The following C10orf90 variants were observed in gnomAD, a reference collection of about 807,000 sequenced individuals.
The protein encoded by C10orf90 is (E2-independent) E3 ubiquitin-conjugating enzyme FATS.
In C10orf90, 56 loss-of-function variants were observed where a neutral mutation model predicts 62.5. That is an observed-to-expected ratio of 0.90 (90% confidence interval 0.72 to 1.12). The LOEUF (loss-of-function observed/expected upper bound fraction) is 1.12, where lower values mean the gene tolerates loss of function less well. Ranked by LOEUF, C10orf90 falls within the 50% of genes most tolerant of loss-of-function variation. The pLI, the probability that C10orf90 is intolerant of heterozygous loss-of-function variation, is 0.00. For synonymous variants in C10orf90, 386 were observed against 340.4 expected (o/e 1.13, Z -1.47); for missense variants, 970 against 880.4 (o/e 1.10, Z -1.29).
In C10orf90 at chr10:126,575,051, G is replaced by A. The variant is rs1844582419; in HGVS notation, c.314-61112C>T. On this transcript the variant is annotated intron_variant, in intron 2 of 9. Coordinates refer to ENST00000488181, the MANE Select transcript of C10orf90 (RefSeq NM_001350921.2). The stretch of plus-strand genomic sequence containing the variant: ...AAATAAAAAACAGAAGCATTAGAAA[G>A]GAAAAAATGAAATTTTTGTTAGAGA... 1.3e-5 allele frequency among the ~76,000 whole-genome samples: 2 copies of A among 151,926 alleles called. 1 individual carries two copies. The highest frequency in any genetic ancestry group is 3.9e-4 in the East Asian group (2 of 5,194).
chr10:126,426,304 C>T (rs200958253), intron 8 of C10orf90, among the ~76,000 whole-genome samples: 6 of 152,306 alleles, frequency 3.9e-5, no homozygotes, highest in East Asian at 3.9e-4. Context: ...TCCAGTGCTA[C>T]GTGGGGCAAT....
At chr10:126,614,895 A>G (rs1438891305) in intron 2 of C10orf90, among the ~76,000 whole-genome samples, 1 of 152,182 alleles carries the variant, frequency 6.6e-6, no homozygotes, top group African/African-American at 2.4e-5. Flanking sequence ...ATCAACTAGG[A>G]CTTACAGCAT....
chr10:126,599,804 G>C (rs1442846273), intron 2 of C10orf90, among the ~76,000 whole-genome samples: 1 of 152,144 alleles, frequency 6.6e-6, no homozygotes, highest in Non-Finnish European at 1.5e-5. Flanking sequence ...AGGAAAGAGA[G>C]AATATAGTTT....
chr10:126,474,957 G>A (rs1860778947), intron 4 of C10orf90, among the ~76,000 whole-genome samples: 1 of 152,246 alleles, frequency 6.6e-6, no homozygotes, highest in African/African-American at 2.4e-5. Flanking sequence ...GGTGAGGCCA[G>A]TGGGGAATAA....
At chr10:126,510,802 A>G (rs1439470411) in intron 3 of C10orf90, among the ~76,000 whole-genome samples, 1 of 152,218 alleles carries the variant, frequency 6.6e-6, no homozygotes, top group Non-Finnish European at 1.5e-5. Flanking sequence ...GCCTTGAGGT[A>G]TTTCTAAGAA....
intron 7 of C10orf90, among the ~76,000 whole-genome samples, chr10:126,447,281 C>T (rs1326487271): frequency 1.3e-5 from 2 of 151,686 alleles, no homozygotes; most frequent in East Asian, 1.9e-4. Context: ...TAATATGCTT[C>T]CTACAGGAGA....
At position 126,456,442 on chromosome 10, in the gene C10orf90, C is replaced by T. The variant is rs1400331659; in HGVS notation, c.2188+2598G>A. On this transcript the variant is annotated intron_variant, in intron 7 of 9. Coordinates refer to ENST00000488181, the MANE Select transcript of C10orf90 (RefSeq NM_001350921.2). This position sits in a 1 kb window ranked among gnomAD's most constrained non-coding sequence, Gnocchi z 4.9. Reference sequence around the variant, plus strand: ...TGGGGAGTAAAAGGTACTCAGTTAACATTCTGAACTGAGCCTGGTTACCTT... The same window carrying T: ...TGGGGAGTAAAAGGTACTCAGTTAATATTCTGAACTGAGCCTGGTTACCTT... Among the ~76,000 whole-genome samples, 1 of 152,188 alleles carries T rather than the reference C, an allele frequency of 6.6e-6. No homozygotes were observed. The highest frequency in any genetic ancestry group is 6.5e-5 in the Admixed American group (1 of 15,276).
chr10:126,493,637 T>C (rs1451580953), intron 4 of C10orf90, among the ~76,000 whole-genome samples: 1 of 152,014 alleles, frequency 6.6e-6, no homozygotes, highest in East Asian at 1.9e-4. Context: ...ATTACAGGAG[T>C]GAGCAGCCAA....
intron 4 of C10orf90, among the ~76,000 whole-genome samples, chr10:126,474,294 G>A (rs190419583): frequency 6.5e-4 from 99 of 152,234 alleles, no homozygotes; most frequent in African/African-American, 2.2e-3. Flanking sequence ...GGATCATCGC[G>A]CTGGCCCATC....
intron 2 of C10orf90, among the ~76,000 whole-genome samples, chr10:126,626,339 T>C (rs1845743100): frequency 6.6e-6 from 1 of 152,122 alleles, no homozygotes; most frequent in South Asian, 2.1e-4. Context: ...GCATCTGTAT[T>C]GTCCTATGGG....
At chr10:126,606,626 C>T (rs1223603352) in intron 2 of C10orf90, among the ~76,000 whole-genome samples, 2 of 152,164 alleles carry the variant, frequency 1.3e-5, no homozygotes, top group Non-Finnish European at 2.9e-5. Context: ...TTGAGCAGCT[C>T]TGATGATTTG....
intron 2 of C10orf90, among the ~76,000 whole-genome samples, chr10:126,557,210 G>A (rs967165069): frequency 5.3e-5 from 8 of 152,020 alleles, no homozygotes; most frequent in Non-Finnish European, 7.4e-5. Flanking sequence ...GGCCGGGTGC[G>A]GTGGCTGACA....
At chr10:126,565,203 T>TTATGTAATATAATTTTTATATTACATAA (rs1844328337) in intron 2 of C10orf90, among the ~76,000 whole-genome samples, 1 of 24,746 alleles carries the variant, frequency 4.0e-5, no homozygotes, top group African/African-American at 1.2e-4. Context: ...ATATTACATA[T>TTATGTAATATAATTTTTATATTACATAA]TATGTAATAT....
At chr10:126,459,323 G>A (rs748292997) in intron 6 of C10orf90, 106 bp from the exon 7 acceptor site, 19 of 1,286,250 alleles carry the variant, frequency 1.5e-5, no homozygotes, top group Non-Finnish European at 2.1e-5. Flanking sequence ...AACACTCAGA[G>A]ACCAAAAGCC....
At chr10:126,658,916 G>C (rs904345736) in intron 1 of C10orf90, among the ~76,000 whole-genome samples, 4 of 152,174 alleles carry the variant, frequency 2.6e-5, no homozygotes, top group Non-Finnish European at 4.4e-5. Flanking sequence ...TAAAACAAGG[G>C]AATCAGATTT....
At chr10:126,650,423 G>A (rs1244516851) in intron 1 of C10orf90, among the ~76,000 whole-genome samples, 1 of 152,154 alleles carries the variant, frequency 6.6e-6, no homozygotes, top group African/African-American at 2.4e-5. Context: ...ATCATTGAGG[G>A]CAATTAATCC....
intron 2 of C10orf90, among the ~76,000 whole-genome samples, chr10:126,546,017 A>G (rs1440673083): frequency 6.6e-6 from 1 of 152,148 alleles, no homozygotes; most frequent in Non-Finnish European, 1.5e-5. Flanking sequence ...CATGGTGACG[A>G]ATTCCCTGGA....
chr10:126,484,082 C>T (rs7086835), intron 4 of C10orf90, among the ~76,000 whole-genome samples: 28,958 of 152,054 alleles, frequency 0.19, 3,376 homozygotes, highest in South Asian at 0.45. Context: ...TCTCTCCTGT[C>T]TGTGTGCATC....
intron 2 of C10orf90, among the ~76,000 whole-genome samples, chr10:126,540,167 A>T (rs1223031518): frequency 6.6e-6 from 1 of 152,224 alleles, no homozygotes; most frequent in East Asian, 1.9e-4. Context: ...AATATGCAAG[A>T]CCTGTATCAA....
Sources: gnomAD v4.1 joint callset for allele counts (sites outside exome capture counted in the v4.1 genomes callset) on GRCh38, gnomAD v4.1.1 for gene constraint, Gnocchi (gnomAD v3.1) non-coding constraint, MANE v1.5 for transcripts, NCBI Gene and HGNC (gene_info 2026-07-23, HGNC 2026-07-21) for gene names.